DYNLL1: variants seen among roughly 807,000 people sequenced by gnomAD.
DYNLL1 encodes the protein dynein light chain 1, cytoplasmic.
DYNLL1 carries 3 observed loss-of-function variants against 10.1 expected under a neutral mutation model. That is an observed-to-expected ratio of 0.30 (90% CI 0.14 to 0.77). DYNLL1 has a LOEUF of 0.77. DYNLL1 is among the 30% of genes least tolerant of loss of function. The probability of loss-of-function intolerance (pLI) is 0.66; values close to 1 mark genes in which losing one functional copy is unlikely to be tolerated. For missense variants in DYNLL1, 47 were observed against 111.7 expected (o/e 0.42, Z 2.61); for synonymous variants, 46 against 41.2 (o/e 1.12, Z -0.45).
intron 1 of DYNLL1, 64 bp from the exon 2 acceptor site, chr12:120,496,352 G>T: frequency 6.2e-7 from 1 of 1,601,678 alleles, no homozygotes. Context: ...GGCCGGGGTG[G>T]GGGCAGTTAG....
upstream of DYNLL1, among the ~76,000 whole-genome samples, chr12:120,495,036 C>T (rs1166742810): frequency 3.3e-5 from 5 of 152,298 alleles, no homozygotes; most frequent in East Asian, 9.6e-4. Flanking sequence ...AGCGTATGAA[C>T]TGGTTTCCTT....
At position 120,496,496 on chromosome 12, in the gene DYNLL1, T is replaced by A; in HGVS notation, c.75T>A (p.Ala25=). 2 of 1,613,684 alleles carry A rather than the reference T, an allele frequency of 1.2e-6. No individual in the cohort carries two copies. Among genetic ancestry groups the A allele is most frequent in the Non-Finnish European group, 1.7e-6 (2 of 1,179,918 alleles). ...TGCAACAGGACTCGGTGGAGTGCGC[T>A]ACTCAGGCGCTGGAGAAATACAACA... ...EEMQQDSVEC[A]TQALEKYNIE... is the part of the protein sequence containing the mutation. Residue 25 remains alanine, a synonymous_variant, in exon 2 of 3, where the codon GCT becomes GCA. Transcript: ENST00000242577.
intron 1 of DYNLL1, among the ~76,000 whole-genome samples, chr12:120,489,087 G>T (rs66517477): frequency 1.8e-4 from 27 of 152,148 alleles, no homozygotes; most frequent in Non-Finnish European, 3.4e-4. Flanking sequence ...CTAGCTCCGG[G>T]CCTGGCCCAT....
At chr12:120,482,467 C>T (rs754053912) in intron 1 of DYNLL1, among the ~76,000 whole-genome samples, 1 of 152,038 alleles carries the variant, frequency 6.6e-6, no homozygotes, top group African/African-American at 2.4e-5. Context: ...GGACTACAGG[C>T]GCCTGCCACC....
chr12:120,477,565 AC>A (rs893783080), intron 1 of DYNLL1, among the ~76,000 whole-genome samples: 31 of 151,956 alleles, frequency 2.0e-4, no homozygotes, highest in Non-Finnish European at 4.0e-4. Context: ...AGCCTAGGAA[AC>A]CTAGTAGATC....
At chr12:120,477,222 C>T (rs1422439653) in intron 1 of DYNLL1, among the ~76,000 whole-genome samples, 1 of 152,144 alleles carries the variant, frequency 6.6e-6, no homozygotes, top group Non-Finnish European at 1.5e-5. Context: ...AGTTACCACG[C>T]CCAGCCAAGA....
At chr12:120,483,026 G>A (rs888160589) in intron 1 of DYNLL1, among the ~76,000 whole-genome samples, 6 of 151,904 alleles carry the variant, frequency 3.9e-5, no homozygotes, top group African/African-American at 1.5e-4. Flanking sequence ...CTGGAAAACA[G>A]AGCAAGACCT....
At chr12:120,471,934 G>A (rs1248046560) in intron 1 of DYNLL1, among the ~76,000 whole-genome samples, 1 of 152,054 alleles carries the variant, frequency 6.6e-6, no homozygotes, top group African/African-American at 2.4e-5. Flanking sequence ...TTATCAGACG[G>A]AAATAAGCAA....
chr12:120,495,905 T>A (rs1251403441), upstream of DYNLL1: 1 of 168,146 alleles, frequency 5.9e-6, no homozygotes, highest in Admixed American at 5.6e-5. Context: ...TGCGGCCCAT[T>A]GCCCGGGCAA....
chr12:120,495,401 G>T (rs1879241646), upstream of DYNLL1: 1 of 152,056 alleles, frequency 6.6e-6, no homozygotes. Flanking sequence ...CGCATTGCTT[G>T]GCAGAGACCC....
intron 1 of DYNLL1, among the ~76,000 whole-genome samples, chr12:120,490,099 T>C (rs1375801051): frequency 6.6e-6 from 1 of 152,220 alleles, no homozygotes; most frequent in Non-Finnish European, 1.5e-5. Context: ...ATATTTTTGC[T>C]TGTTTTTATC....
intron 1 of DYNLL1, among the ~76,000 whole-genome samples, chr12:120,485,342 C>T (rs547465204): frequency 1.9e-4 from 29 of 151,118 alleles, no homozygotes; most frequent in Admixed American, 1.4e-3. Context: ...CTGCAACCTC[C>T]ACCTCCTAGG....
intron 1 of DYNLL1, among the ~76,000 whole-genome samples, chr12:120,482,831 G>A (rs1238724333): frequency 6.6e-6 from 1 of 152,086 alleles, no homozygotes; most frequent in Non-Finnish European, 1.5e-5. Context: ...GCCAGACATG[G>A]GCTTTGGGAG....
At chr12:120,475,608 T>G (rs374788373) in intron 1 of DYNLL1, among the ~76,000 whole-genome samples, 25 of 152,378 alleles carry the variant, frequency 1.6e-4, no homozygotes, top group African/African-American at 5.5e-4. Flanking sequence ...ATTGGTTACA[T>G]GTAGCTATTG....
At chr12:120,481,338 AAAGTT>A (rs1445026059) in intron 1 of DYNLL1, among the ~76,000 whole-genome samples, 4 of 152,136 alleles carry the variant, frequency 2.6e-5, no homozygotes, top group Non-Finnish European at 5.9e-5. Context: ...ACCCTGAACA[AAAGTT>A]AAGGACTGAG....
At chr12:120,480,494 T>G (rs372033953) in intron 1 of DYNLL1, among the ~76,000 whole-genome samples, 1 of 152,330 alleles carries the variant, frequency 6.6e-6, no homozygotes, top group East Asian at 1.9e-4. Context: ...TCCTGGCAGC[T>G]TCTCTGGGAT....
At chr12:120,489,599 G>A (rs1269725175) in intron 1 of DYNLL1, among the ~76,000 whole-genome samples, 1 of 152,022 alleles carries the variant, frequency 6.6e-6, no homozygotes, top group Non-Finnish European at 1.5e-5. Context: ...CACCTCTCTC[G>A]CTGCTCCCAT....
chr12:120,488,043 A>C (rs534801096), intron 1 of DYNLL1: 1 of 152,296 alleles, frequency 6.6e-6, no homozygotes, highest in African/African-American at 2.4e-5. Context: ...CTCTGGGACA[A>C]GTCACCCTCA....
At chr12:120,492,893 A>T (rs1172575090), upstream of DYNLL1, among the ~76,000 whole-genome samples, 1 of 151,948 alleles carries the variant, frequency 6.6e-6, no homozygotes, top group Non-Finnish European at 1.5e-5. The surrounding 1 kb of genome is among the most constrained non-coding windows in gnomAD (Gnocchi z 4.1). Flanking sequence ...ATTGTAGAAG[A>T]GTTTTTTTTT....
Sources: gnomAD v4.1 joint callset for allele counts (sites outside exome capture counted in the v4.1 genomes callset) on GRCh38, gnomAD v4.1.1 for gene constraint, Gnocchi (gnomAD v3.1) non-coding constraint, MANE v1.5 for transcripts, NCBI Gene and HGNC (gene_info 2026-07-23, HGNC 2026-07-21) for gene names.